Variants in SUFU observed in about 807,000 individuals in gnomAD.
SUFU encodes suppressor of fused homolog.
SUFU carries 7 observed loss-of-function variants against 58.9 expected under a neutral mutation model. The observed-to-expected ratio is 0.12, with a 90% confidence interval of 0.07 to 0.22. The LOEUF (loss-of-function observed/expected upper bound fraction) is 0.22, where lower values mean the gene tolerates loss of function less well. Among genes scored for constraint, SUFU ranks in the 10% least tolerant of loss-of-function variants. The pLI is 1.00. For missense variants in SUFU, 451 were observed against 641.3 expected, an observed-to-expected ratio of 0.70 and a Z score of 3.20; for synonymous variants, 232 against 254.8, an observed-to-expected ratio of 0.91 and a Z score of 0.85.
chr10:102,577,117 C>T (rs546701851), intron 3 of SUFU, among the ~76,000 whole-genome samples: 1 of 144,832 alleles, frequency 6.9e-6, no homozygotes, highest in African/African-American at 2.6e-5. Context: ...GGAGTCTCAC[C>T]CTGTTGCCCA....
rs751602383 is a variant in SUFU, at chr10:102,619,095, C to T, written c.1296+1667C>T. 5.6e-6 allele frequency: 9 copies of T among 1,612,678 alleles called. No individual in the cohort carries two copies. The highest frequency in any genetic ancestry group is 5.3e-5 in the African/African-American group (4 of 74,870). On this transcript the variant is annotated intron_variant, in intron 10 of 11. Coordinates refer to ENST00000369902, the MANE Select transcript of SUFU (RefSeq NM_016169.4). This position sits in a 1 kb window ranked among gnomAD's most constrained non-coding sequence, Gnocchi z 4.2. ...GAACCTATCCTCGGAGCTCTGCCCT[C>T]CCGTCCTGGAACGTCTTTCTGCCCT...
chr10:102,551,924 A>C (rs1227096601), intron 3 of SUFU, among the ~76,000 whole-genome samples: 1 of 150,872 alleles, frequency 6.6e-6, no homozygotes, highest in Non-Finnish European at 1.5e-5. Flanking sequence ...ACGGGGTTTC[A>C]CCTTGTTAGC....
intron 2 of SUFU, among the ~76,000 whole-genome samples, chr10:102,525,267 G>A (rs777116654): frequency 1.3e-5 from 2 of 151,338 alleles, no homozygotes; most frequent in African/African-American, 2.4e-5. Flanking sequence ...ACGCTACCAC[G>A]CCTGGCTAAT....
intron 8 of SUFU, among the ~76,000 whole-genome samples, chr10:102,605,710 G>T (rs549170817): frequency 1.4e-5 from 2 of 139,374 alleles, no homozygotes; most frequent in African/African-American, 5.3e-5. Flanking sequence ...CTTAAAGGGA[G>T]ACCTGCAGGT....
intron 3 of SUFU, among the ~76,000 whole-genome samples, chr10:102,552,412 G>A (rs546618305): frequency 2.0e-4 from 31 of 151,798 alleles, no homozygotes; most frequent in Admixed American, 7.2e-4. Context: ...CAGGCTGGGC[G>A]ACACAGTGAG....
chr10:102,611,889 G>C (rs890991203), intron 8 of SUFU, among the ~76,000 whole-genome samples: 3 of 152,200 alleles, frequency 2.0e-5, no homozygotes, highest in Non-Finnish European at 1.5e-5. Context: ...GTCCCCAGCG[G>C]GTATGAGCTG....
At chr10:102,563,248 T>C (rs1010273811) in intron 3 of SUFU, among the ~76,000 whole-genome samples, 5 of 152,186 alleles carry the variant, frequency 3.3e-5, no homozygotes, top group Admixed American at 1.3e-4. Flanking sequence ...AGGTAAGCTG[T>C]GTGGAACAAA....
intron 1 of SUFU, among the ~76,000 whole-genome samples, chr10:102,505,123 T>C (rs1235118366): frequency 6.6e-6 from 1 of 152,040 alleles, no homozygotes; most frequent in Non-Finnish European, 1.5e-5. Flanking sequence ...TGGAAATAAA[T>C]GGTGGAGACT....
chr10:102,601,451 T>C (rs1019317553), intron 8 of SUFU, among the ~76,000 whole-genome samples: 1 of 151,998 alleles, frequency 6.6e-6, no homozygotes, highest in Non-Finnish European at 1.5e-5. Flanking sequence ...GAGAGATGGG[T>C]GAGAATAGAT....
rs1046631852 is a variant in SUFU, at chr10:102,521,271, T to C, written c.317+11968T>C. Among the ~76,000 whole-genome samples, 194 of 152,346 alleles carry C rather than the reference T, an allele frequency of 1.3e-3. 3 individuals carry two copies. The highest frequency in any genetic ancestry group is 1.2e-3 in the African/African-American group (49 of 41,572). ...TTGTCTGTCATCTGTATATCTTCTTTGGTGACATATCTTTGTTTTTCTTCC... is the reference window on the plus strand; with the variant it reads ...TTGTCTGTCATCTGTATATCTTCTTCGGTGACATATCTTTGTTTTTCTTCC... On this transcript the variant is annotated intron_variant, in intron 2 of 11. Transcript: ENST00000369902.
intron 3 of SUFU, among the ~76,000 whole-genome samples, chr10:102,550,961 A>G (rs1374530107): frequency 6.6e-6 from 1 of 152,068 alleles, no homozygotes; most frequent in African/African-American, 2.4e-5. Flanking sequence ...TCAGGCTGCT[A>G]TCGAACTCCT....
At chr10:102,520,561 C>T (rs1020722202) in intron 2 of SUFU, among the ~76,000 whole-genome samples, 1 of 152,126 alleles carries the variant, frequency 6.6e-6, no homozygotes, top group African/African-American at 2.4e-5. Context: ...TATATACCAT[C>T]ACAGCACCAT....
At chr10:102,549,833 C>T (rs1185338046) in intron 2 of SUFU, 137 bp from the exon 3 acceptor site, 1 of 1,141,024 alleles carries the variant, frequency 8.8e-7, no homozygotes, top group Admixed American at 2.0e-5. Context: ...CCACAAGGCT[C>T]ACATCCTGGG....
intron 2 of SUFU, among the ~76,000 whole-genome samples, chr10:102,513,368 C>A (rs1261735847): frequency 6.6e-6 from 1 of 152,164 alleles, no homozygotes; most frequent in Non-Finnish European, 1.5e-5. Flanking sequence ...CTGTCTGTGT[C>A]TTCTCTTCAG....
chr10:102,601,106 G>T (rs1564700574), intron 8 of SUFU, among the ~76,000 whole-genome samples: 1 of 152,208 alleles, frequency 6.6e-6, no homozygotes, highest in Non-Finnish European at 1.5e-5. Flanking sequence ...CATGGACACA[G>T]TCTCAGTCCA....
intron 3 of SUFU, among the ~76,000 whole-genome samples, chr10:102,580,261 G>A (rs1320372096): frequency 6.6e-6 from 1 of 152,226 alleles, no homozygotes; most frequent in Non-Finnish European, 1.5e-5. Flanking sequence ...TAGCTTCTGA[G>A]CTGGGGAGTA....
chr10:102,609,542 G>C (rs746930841), intron 8 of SUFU, among the ~76,000 whole-genome samples: 1 of 152,190 alleles, frequency 6.6e-6, no homozygotes, highest in Non-Finnish European at 1.5e-5. Flanking sequence ...ACTTCTCTTT[G>C]GAGCAAGAAG....
At chr10:102,520,777 G>A (rs1009226507) in intron 2 of SUFU, among the ~76,000 whole-genome samples, 7 of 152,248 alleles carry the variant, frequency 4.6e-5, no homozygotes, top group South Asian at 4.1e-4. Context: ...TTAAGATTCC[G>A]CCGTGCCTTT....
chr10:102,621,288 G>T (rs927687882), intron 10 of SUFU, among the ~76,000 whole-genome samples: 3 of 152,138 alleles, frequency 2.0e-5, no homozygotes, highest in African/African-American at 7.2e-5. Flanking sequence ...AGACCTTGTT[G>T]TCCAGGGGGA....
Sources: allele counts gnomAD v4.1 joint callset (sites outside exome capture counted in the v4.1 genomes callset), GRCh38; gene constraint gnomAD v4.1.1; non-coding constraint Gnocchi (gnomAD v3.1); transcripts MANE v1.5; gene names NCBI Gene and HGNC (gene_info 2026-07-23, HGNC 2026-07-21).